Variants in KDM4C observed in about 807,000 individuals in gnomAD.
The protein encoded by KDM4C is lysine-specific demethylase 4C.
Under a neutral mutation model 129.3 loss-of-function variants are expected in KDM4C, and 81 were observed. That is an observed-to-expected ratio of 0.63 (90% confidence interval 0.52 to 0.75). KDM4C has a LOEUF of 0.75. Ranked by LOEUF, KDM4C falls within the 30% of genes least tolerant of loss-of-function variation. The pLI is 0.00. For missense variants in KDM4C, 1,457 were observed against 1,304.0 expected, an observed-to-expected ratio of 1.12 and a Z score of -1.81; for synonymous variants, 573 against 456.1, an observed-to-expected ratio of 1.26 and a Z score of -3.26.
At chr9:6,853,759 G>A (rs994152877) in intron 5 of KDM4C, among the ~76,000 whole-genome samples, 1 of 152,208 alleles carries the variant, frequency 6.6e-6, no homozygotes, top group Non-Finnish European at 1.5e-5. Context: ...CAGTGGTAAA[G>A]TATTATTTTC....
intron 8 of KDM4C, among the ~76,000 whole-genome samples, chr9:6,901,256 T>A (rs913153378): frequency 2.6e-5 from 4 of 152,138 alleles, no homozygotes; most frequent in African/African-American, 9.7e-5. Context: ...GAGTTTGCCA[T>A]AGTCAGATGC....
chr9:6,795,473 A>G (rs1827556423), intron 2 of KDM4C, among the ~76,000 whole-genome samples: 1 of 152,182 alleles, frequency 6.6e-6, no homozygotes, highest in African/African-American at 2.4e-5. Context: ...CTGGGATTAC[A>G]GGCATGTACC....
At chr9:6,739,761 C>T (rs962437855) in intron 1 of KDM4C, among the ~76,000 whole-genome samples, 1 of 151,246 alleles carries the variant, frequency 6.6e-6, no homozygotes, top group African/African-American at 2.4e-5. Flanking sequence ...CTTTGGGAGA[C>T]CAAGGAGGAA....
At chr9:6,925,881 G>A (rs1389843184) in intron 8 of KDM4C, among the ~76,000 whole-genome samples, 2 of 152,118 alleles carry the variant, frequency 1.3e-5, no homozygotes, top group Admixed American at 6.5e-5. Context: ...GCATTGGGAC[G>A]TGAAAAAATT....
intron 8 of KDM4C, among the ~76,000 whole-genome samples, chr9:6,901,027 T>C (rs1817315731): frequency 6.6e-6 from 1 of 152,164 alleles, no homozygotes; most frequent in South Asian, 2.1e-4. Context: ...GTGTTTATAA[T>C]AGTAAACACA....
intron 21 of KDM4C, chr9:7,170,595 C>T (rs569539761): frequency 1.1e-6 from 1 of 946,374 alleles, no homozygotes; most frequent in Non-Finnish European, 1.3e-6. Flanking sequence ...TTCAGTGGAC[C>T]CTGAAATGAA....
At chr9:6,907,258 T>TG (rs1393688597) in intron 8 of KDM4C, among the ~76,000 whole-genome samples, 1 of 152,164 alleles carries the variant, frequency 6.6e-6, no homozygotes, top group African/African-American at 2.4e-5. Context: ...GTAAATTGAA[T>TG]GAAAAATAAA....
intron 8 of KDM4C, among the ~76,000 whole-genome samples, chr9:6,922,876 C>G (rs1442379421): frequency 1.3e-5 from 2 of 152,230 alleles, no homozygotes; most frequent in Admixed American, 6.5e-5. Context: ...TTATCTCTCC[C>G]TCTCTGACTC....
chr9:7,118,312 T>C (rs1328702851), intron 18 of KDM4C, among the ~76,000 whole-genome samples: 1 of 152,238 alleles, frequency 6.6e-6, no homozygotes, highest in Non-Finnish European at 1.5e-5. Flanking sequence ...TAAATACTTG[T>C]GACGTTTTGA....
intron 8 of KDM4C, among the ~76,000 whole-genome samples, chr9:6,942,002 A>C (rs892825934): frequency 6.6e-6 from 1 of 152,226 alleles, no homozygotes; most frequent in Non-Finnish European, 1.5e-5. Context: ...TGTTGTCTTG[A>C]AAACTTCAGA....
At chr9:7,101,199 G>T (rs919911699) in intron 17 of KDM4C, among the ~76,000 whole-genome samples, 1 of 152,128 alleles carries the variant, frequency 6.6e-6, no homozygotes, top group Non-Finnish European at 1.5e-5. Flanking sequence ...GTGCCAGGTA[G>T]CATTTCGTTC....
chr9:7,063,687 G>GAA (rs972861057), intron 17 of KDM4C, among the ~76,000 whole-genome samples: 1 of 152,182 alleles, frequency 6.6e-6, no homozygotes, highest in African/African-American at 2.4e-5. Context: ...AAAATGTAGT[G>GAA]AAGGACCTTA....
intron 19 of KDM4C, among the ~76,000 whole-genome samples, chr9:7,142,031 T>C (rs932132361): frequency 4.6e-5 from 7 of 152,356 alleles, no homozygotes; most frequent in Admixed American, 4.6e-4. Flanking sequence ...ATTTACCCTT[T>C]ATGGGGCTTC....
chr9:6,886,287 T>G (rs1845240568), intron 6 of KDM4C, among the ~76,000 whole-genome samples: 1 of 152,056 alleles, frequency 6.6e-6, no homozygotes, highest in Non-Finnish European at 1.5e-5. Context: ...AGAATTAACA[T>G]TTCTCATGTT....
intron 19 of KDM4C, among the ~76,000 whole-genome samples, chr9:7,153,009 T>A (rs11789237): frequency 6.6e-6 from 1 of 152,150 alleles, no homozygotes; most frequent in African/African-American, 2.4e-5. Context: ...GATAGAAATA[T>A]GAGGTTTTAA....
At position 7,049,129 on chromosome 9, in the gene KDM4C, G is replaced by A. The variant is rs1237235027; in HGVS notation, c.2353G>A (p.Val785Ile). ...CATGTGCGCCGTTGCGGTCCCAGAA[G>A]TTCGATTCACTAATGTCCCAGAAAG... Reference protein sequence around the residue: ...HVMCAVAVPEVRFTNVPERTQ... With the variant: ...HVMCAVAVPEIRFTNVPERTQ... Residue 785 changes from valine to isoleucine, a missense_variant, in exon 17 of 22, where the codon GTT becomes ATT. Transcript: ENST00000381309. The A allele has an allele frequency of 1.3e-5, 21 of 1,612,712 alleles. No homozygotes were observed. Among genetic ancestry groups the A allele is most frequent in the Non-Finnish European group, 1.8e-5 (21 of 1,179,030 alleles).
upstream of KDM4C, chr9:6,757,578 T>C: frequency 1.0e-6 from 1 of 960,918 alleles, no homozygotes; most frequent in Non-Finnish European, 1.2e-6. Context: ...CTCGCCAGGC[T>C]CTCCAGTACA....
At chr9:6,942,760 A>G (rs1237942153) in intron 8 of KDM4C, 1 of 152,116 alleles carries the variant, frequency 6.6e-6, no homozygotes, top group East Asian at 1.9e-4. Flanking sequence ...TGACAGTTTT[A>G]CCTTGATGTT....
chr9:7,118,606 A>C (rs1230485337), intron 18 of KDM4C, among the ~76,000 whole-genome samples: 1 of 152,206 alleles, frequency 6.6e-6, no homozygotes, highest in Non-Finnish European at 1.5e-5. Context: ...AATTCATAGA[A>C]ATTAAGGATA....
Sources: allele counts gnomAD v4.1 joint callset (sites outside exome capture counted in the v4.1 genomes callset), GRCh38; gene constraint gnomAD v4.1.1; transcripts MANE v1.5; gene names NCBI Gene and HGNC (gene_info 2026-07-23, HGNC 2026-07-21).